The following STARD3NL variants were observed in gnomAD, a reference collection of about 807,000 sequenced individuals.
STARD3NL encodes the protein STARD3 N-terminal-like protein.
Under a neutral mutation model 30.9 loss-of-function variants are expected in STARD3NL, and 17 were observed. The observed-to-expected ratio is 0.55, with a 90% confidence interval of 0.38 to 0.82. The LOEUF (loss-of-function observed/expected upper bound fraction) is 0.82. Ranked by LOEUF, STARD3NL falls within the 40% of genes least tolerant of loss-of-function variation. The probability of loss-of-function intolerance (pLI) is 0.00; values close to 1 mark genes in which losing one functional copy is unlikely to be tolerated. For synonymous variants in STARD3NL, 112 were observed against 100.5 expected (o/e 1.11, Z -0.69); for missense variants, 234 against 277.6 (o/e 0.84, Z 1.12).
intron 1 of STARD3NL, among the ~76,000 whole-genome samples, chr7:38,192,882 T>TC (rs531451158): frequency 0.43 from 64,806 of 151,898 alleles, 14,143 homozygotes; most frequent in East Asian, 0.49. Context: ...TCCTGTTTGT[T>TC]CTCCTTGTCT....
intron 8 of STARD3NL, 127 bp from the exon 9 acceptor site, chr7:38,229,796 T>C (rs377233640): frequency 6.6e-6 from 1 of 152,264 alleles, no homozygotes; most frequent in Admixed American, 6.5e-5. Context: ...ACCACACGCA[T>C]GGTCCTTCGT....
At chr7:38,183,819 A>G (rs1784342875) in intron 1 of STARD3NL, among the ~76,000 whole-genome samples, 1 of 152,204 alleles carries the variant, frequency 6.6e-6, no homozygotes, top group Admixed American at 6.5e-5. Flanking sequence ...CAGCATGTGG[A>G]ACCCATGTAT....
chr7:38,205,808 A>G (rs1785432400), intron 1 of STARD3NL, among the ~76,000 whole-genome samples: 1 of 152,194 alleles, frequency 6.6e-6, no homozygotes, highest in Non-Finnish European at 1.5e-5. Flanking sequence ...TCCCCTAAAT[A>G]TGCCCTCTAC....
chr7:38,216,867 A>G, intron 4 of STARD3NL, 158 bp from the exon 5 acceptor site: 2 of 759,266 alleles, frequency 2.6e-6, no homozygotes, highest in South Asian at 1.8e-5. Context: ...GTGTGGGTCT[A>G]GGGGAGAGAG....
intron 1 of STARD3NL, among the ~76,000 whole-genome samples, chr7:38,204,265 G>C (rs942120385): frequency 2.7e-4 from 41 of 152,102 alleles, no homozygotes; most frequent in South Asian, 8.3e-4. Context: ...TGTAAAAGAA[G>C]AGAAATTATA....
rs1787027998 is a variant in STARD3NL, at chr7:38,230,323, T to C, written c.*418T>C. On this transcript the variant is annotated 3_prime_UTR_variant, in exon 9 of 9. Coordinates refer to ENST00000009041, the MANE Select transcript of STARD3NL (RefSeq NM_032016.4). ...TCAGATTTATTTTGTATTTCTTTTT[T>C]AACACTCTACATTTCCCTTGTTTTT... The C allele has an allele frequency of 6.5e-6, 1 of 152,696 alleles. No homozygotes were observed. Among genetic ancestry groups the C allele is most frequent in the African/African-American group, 2.4e-5 (1 of 41,474 alleles). The allele number at this position is 152,696 out of a possible 1,614,324, so 9.5% of individuals were successfully genotyped here.
At chr7:38,208,569 C>T (rs1403004032) in intron 2 of STARD3NL, among the ~76,000 whole-genome samples, 1 of 152,102 alleles carries the variant, frequency 6.6e-6, no homozygotes, top group Non-Finnish European at 1.5e-5. Flanking sequence ...GTTTACATTT[C>T]TTACCAACCA....
At chr7:38,182,632 T>G (rs1047939927) in intron 1 of STARD3NL, among the ~76,000 whole-genome samples, 1 of 152,178 alleles carries the variant, frequency 6.6e-6, no homozygotes, top group African/African-American at 2.4e-5. Flanking sequence ...GTTGTTTTGC[T>G]TGCTTTATTT....
intron 1 of STARD3NL, among the ~76,000 whole-genome samples, chr7:38,196,450 T>C (rs2116075402): frequency 6.6e-6 from 1 of 152,360 alleles, no homozygotes. Flanking sequence ...TTTTTAATAG[T>C]GTAACTCTCA....
chr7:38,215,004 A>T (rs774104081), intron 3 of STARD3NL, 24 bp from the exon 4 acceptor site: 1 of 1,601,886 alleles, frequency 6.2e-7, no homozygotes, highest in South Asian at 1.1e-5. Flanking sequence ...TTTTTAAAAC[A>T]TCCCTTTATT....
At chr7:38,220,968 GAA>G (rs1562624773) in intron 7 of STARD3NL, among the ~76,000 whole-genome samples, 196 of 151,008 alleles carry the variant, frequency 1.3e-3, no homozygotes, top group African/African-American at 4.7e-3. Flanking sequence ...GAAAAGAAAA[GAA>G]AAGAATAGAA....
At chr7:38,200,780 T>A (rs1785138465) in intron 1 of STARD3NL, among the ~76,000 whole-genome samples, 1 of 152,092 alleles carries the variant, frequency 6.6e-6, no homozygotes. Flanking sequence ...CAGCAGTAAT[T>A]GTTTTTTTGG....
chr7:38,192,069 ATG>A (rs749158586), intron 1 of STARD3NL, among the ~76,000 whole-genome samples: 2 of 152,210 alleles, frequency 1.3e-5, no homozygotes, highest in Non-Finnish European at 2.9e-5. Context: ...CAGCAGTATT[ATG>A]TAGCTTTCAG....
At chr7:38,221,749 A>G (rs953108635) in intron 7 of STARD3NL, among the ~76,000 whole-genome samples, 1 of 152,258 alleles carries the variant, frequency 6.6e-6, no homozygotes, top group Non-Finnish European at 1.5e-5. Flanking sequence ...CCTGGCTGGA[A>G]GTGCCCCTGT....
intron 1 of STARD3NL, among the ~76,000 whole-genome samples, chr7:38,205,064 G>A (rs1166525944): frequency 3.3e-5 from 5 of 152,206 alleles, no homozygotes; most frequent in African/African-American, 1.2e-4. Context: ...GGTACAAGGA[G>A]GAGCTGGTAC....
chr7:38,190,906 A>G (rs1784660712), intron 1 of STARD3NL, among the ~76,000 whole-genome samples: 1 of 152,156 alleles, frequency 6.6e-6, no homozygotes, highest in Admixed American at 6.5e-5. Flanking sequence ...ACTTCTGGCA[A>G]GGATTTATCA....
At chr7:38,204,951 C>G (rs2116209741) in intron 1 of STARD3NL, among the ~76,000 whole-genome samples, 1 of 152,294 alleles carries the variant, frequency 6.6e-6, no homozygotes, top group South Asian at 2.1e-4. Flanking sequence ...AGTTGAATCT[C>G]TGAATAGACC....
At chr7:38,206,413 C>T (rs1178300054) in intron 1 of STARD3NL, among the ~76,000 whole-genome samples, 2 of 152,166 alleles carry the variant, frequency 1.3e-5, no homozygotes, top group East Asian at 1.9e-4. Context: ...AGAGGTCCTA[C>T]AGGAAAGGAA....
intron 7 of STARD3NL, among the ~76,000 whole-genome samples, chr7:38,220,857 A>T (rs1375371606): frequency 3.3e-5 from 5 of 152,244 alleles, no homozygotes; most frequent in African/African-American, 1.2e-4. Context: ...TAATCCCAGC[A>T]CTTTGGGAGG....
Sources: gnomAD v4.1 joint callset for allele counts (sites outside exome capture counted in the v4.1 genomes callset) on GRCh38, gnomAD v4.1.1 for gene constraint, MANE v1.5 for transcripts, NCBI Gene and HGNC (gene_info 2026-07-23, HGNC 2026-07-21) for gene names.